CRKL: variants seen among roughly 807,000 people sequenced by gnomAD.
CRKL encodes the protein CRK like proto-oncogene, adaptor protein, also known as crk-like protein.
Under a neutral mutation model 23.0 loss-of-function variants are expected in CRKL, and 3 were observed. The observed-to-expected ratio is 0.13, with a 90% CI of 0.06 to 0.34. CRKL has a LOEUF of 0.34. CRKL is among the 10% of genes least tolerant of loss of function. The probability of loss-of-function intolerance (pLI) is 1.00; values close to 1 mark genes in which losing one functional copy is unlikely to be tolerated. For synonymous variants in CRKL, 188 were observed against 160.7 expected (o/e 1.17, Z -1.28); for missense variants, 256 against 394.5 (o/e 0.65, Z 2.97).
At chr22:20,934,805 ATTTTTTTTT>A (rs67055933) in intron 2 of CRKL, among the ~76,000 whole-genome samples, 21 of 98,540 alleles carry the variant, frequency 2.1e-4, no homozygotes, top group South Asian at 2.0e-3. Flanking sequence ...AGAGGAATGA[ATTTTTTTTT>A]TTTTTTTTTT....
At position 20,953,655 on chromosome 22, in the gene CRKL, T is replaced by C. The variant is rs1200123196; in HGVS notation, c.*3810T>C. ...GTGCCTTTTTATTTTTGTATTCCGTTTTACGTTACTGGTCCCAGCATCAAA... is the reference window on the plus strand; with the variant it reads ...GTGCCTTTTTATTTTTGTATTCCGTCTTACGTTACTGGTCCCAGCATCAAA... On this transcript the variant is annotated 3_prime_UTR_variant, in exon 3 of 3. Transcript: ENST00000354336. 2 of 201,076 alleles carry C rather than the reference T, an allele frequency of 9.9e-6. No homozygotes were observed. The highest frequency in any genetic ancestry group is 2.0e-5 in the Non-Finnish European group (2 of 97,578). 12.5% of individuals were successfully genotyped at this position (201,076 alleles called of 1,614,324 possible).
At chr22:20,919,162 T>C (rs780719374) in intron 1 of CRKL, among the ~76,000 whole-genome samples, 2 of 152,124 alleles carry the variant, frequency 1.3e-5, no homozygotes, top group Non-Finnish European at 2.9e-5. Context: ...TGTATATTGA[T>C]ACTGTGGTGC....
intron 2 of CRKL, among the ~76,000 whole-genome samples, chr22:20,936,108 C>T (rs1478051026): frequency 2.6e-5 from 4 of 152,086 alleles, no homozygotes; most frequent in Non-Finnish European, 4.4e-5. Flanking sequence ...TGCAGTGAGC[C>T]GAGATCATGA....
rs1601669399 is a variant in CRKL, at chr22:20,917,554, G to A, written c.-381G>A. The A allele has an allele frequency of 3.1e-5, 9 of 287,470 alleles. No individual in the cohort carries two copies. In the East Asian group the frequency reaches 4.9e-4, roughly 16 times the overall value. The allele number at this position is 287,470 out of a possible 1,614,324, so 17.8% of individuals were successfully genotyped here. On this transcript the variant is annotated 5_prime_UTR_variant, in exon 1 of 3. Coordinates refer to ENST00000354336, the MANE Select transcript of CRKL (RefSeq NM_005207.4). The stretch of plus-strand genomic sequence containing the variant: ...GAGTTCGGTGCCTCGTGTGACGGCG[G>A]GGGTCGGTGAAGACCCGTCGAGCTG...
intron 2 of CRKL, among the ~76,000 whole-genome samples, chr22:20,942,227 A>T (rs1313466564): frequency 1.3e-5 from 2 of 152,192 alleles, no homozygotes; most frequent in Non-Finnish European, 2.9e-5. Flanking sequence ...TTCAGAGTTC[A>T]TCCAGATTGT....
Position 20,917,909 on chromosome 22 carries a change from C to T in CRKL, c.-26C>T. On this transcript the variant is annotated 5_prime_UTR_variant, in exon 1 of 3. Transcript: ENST00000354336. ...AGGCGAGGACAGCCGCCGCCCCTAC[C>T]GCCGCAGAGTCCCCGGTCCAACACC... The T allele has an allele frequency of 1.2e-6, 2 of 1,602,742 alleles. No homozygotes were observed. Among genetic ancestry groups the T allele is most frequent in the Middle Eastern group, 1.7e-4 (1 of 5,806 alleles).
intron 2 of CRKL, among the ~76,000 whole-genome samples, chr22:20,946,853 C>T (rs1167625173): frequency 6.6e-6 from 1 of 152,166 alleles, no homozygotes; most frequent in Non-Finnish European, 1.5e-5. Context: ...AAGATGGCTG[C>T]CAAGCTACCA....
chr22:20,934,646 AGTT>A (rs543089325), intron 2 of CRKL, among the ~76,000 whole-genome samples: 198 of 152,122 alleles, frequency 1.3e-3, no homozygotes, highest in Admixed American at 3.5e-3. Flanking sequence ...TTAGTTTTGC[AGTT>A]GTTGGTTTTT....
rs1922275319 is a variant in CRKL at position 20,951,488 on chromosome 22, A to G, written c.*1643A>G. On this transcript the variant is annotated 3_prime_UTR_variant, in exon 3 of 3. Coordinates refer to ENST00000354336, the MANE Select transcript of CRKL (RefSeq NM_005207.4). ...GTGGTTCATCCATCATCTGCTGCAC[A>G]TAGCAGACTAGAATTCTGGGAACCC... The G allele has an allele frequency of 8.8e-6, 2 of 228,386 alleles. No homozygotes were observed. Among genetic ancestry groups the G allele is most frequent in the Non-Finnish European group, 1.7e-5 (2 of 115,156 alleles). 14.1% of individuals were successfully genotyped at this position (228,386 alleles called of 1,614,324 possible).
chr22:20,938,510 G>T (rs943060933), intron 2 of CRKL, among the ~76,000 whole-genome samples: 1 of 152,116 alleles, frequency 6.6e-6, no homozygotes, highest in East Asian at 1.9e-4. Context: ...CAGGGCAGTG[G>T]GCTGTTGCCA....
intron 1 of CRKL, among the ~76,000 whole-genome samples, chr22:20,930,739 G>A (rs1292559652): frequency 7.7e-6 from 1 of 129,468 alleles, no homozygotes; most frequent in Non-Finnish European, 1.6e-5. Flanking sequence ...TTCAGGCAGT[G>A]ACGTGATCTT....
rs1247116681 is a variant in CRKL at position 20,941,588 on chromosome 22, A to ATATATTTTTTT, written c.777+7345_777+7346insATATTTTTTTT. ...TGTGTGTGTGTGTGTGTATATATAT[A>ATATATTTTTTT]TTTTTTTTTTTTTTTTTTTTTTTTG... On this transcript the variant is annotated intron_variant, in intron 2 of 2. Transcript: ENST00000354336. Among the ~76,000 whole-genome samples the ATATATTTTTTT allele has an allele frequency of 6.6e-4, 22 of 33,538 alleles. 3 individuals are homozygous for ATATATTTTTTT. Among genetic ancestry groups the ATATATTTTTTT allele is most frequent in the African/African-American group, 1.8e-3 (15 of 8,260 alleles). The allele number at this position is 33,538 out of a possible 152,430, so 22.0% of individuals were successfully genotyped here.
intron 1 of CRKL, among the ~76,000 whole-genome samples, chr22:20,922,214 G>C (rs1373206927): frequency 6.6e-6 from 1 of 151,678 alleles, no homozygotes; most frequent in Non-Finnish European, 1.5e-5. Flanking sequence ...GTAGAGACAA[G>C]GTTTCACCAT....
chr22:20,919,873 C>G (rs1300489983), intron 1 of CRKL, among the ~76,000 whole-genome samples: 2 of 151,188 alleles, frequency 1.3e-5, no homozygotes, highest in Non-Finnish European at 2.9e-5. Context: ...ATAATGACTA[C>G]AAGATTAACT....
chr22:20,918,592 CTTTT>C (rs66827795), intron 1 of CRKL, among the ~76,000 whole-genome samples: 6 of 89,330 alleles, frequency 6.7e-5, no homozygotes, highest in Non-Finnish European at 7.1e-5. Context: ...CTAAAAACCT[CTTTT>C]TTTTTTTTTT....
intron 1 of CRKL, among the ~76,000 whole-genome samples, chr22:20,921,317 T>C (rs1281120597): frequency 6.6e-6 from 1 of 152,248 alleles, no homozygotes; most frequent in Non-Finnish European, 1.5e-5. Context: ...TATAGTCTTA[T>C]CCTTTTCATT....
intron 2 of CRKL, among the ~76,000 whole-genome samples, chr22:20,944,371 T>C (rs567786315): frequency 2.6e-5 from 4 of 152,222 alleles, no homozygotes; most frequent in African/African-American, 9.6e-5. Flanking sequence ...TAATTTTTGG[T>C]ATGCAAGTGT....
At chr22:20,937,307 A>G (rs1318304449) in intron 2 of CRKL, among the ~76,000 whole-genome samples, 5 of 151,896 alleles carry the variant, frequency 3.3e-5, no homozygotes, top group African/African-American at 1.2e-4. Flanking sequence ...CACGTCCATC[A>G]TAGCATAGGA....
At chr22:20,936,052 C>G (rs1231668595) in intron 2 of CRKL, among the ~76,000 whole-genome samples, 1 of 152,004 alleles carries the variant, frequency 6.6e-6, no homozygotes, top group Non-Finnish European at 1.5e-5. Context: ...CTCAGCTACT[C>G]AGGAGACTGA....
Sources: allele counts gnomAD v4.1 joint callset (sites outside exome capture counted in the v4.1 genomes callset), GRCh38; gene constraint gnomAD v4.1.1; transcripts MANE v1.5; gene names NCBI Gene and HGNC (gene_info 2026-07-23, HGNC 2026-07-21).